The following KCTD6 variants were observed in gnomAD, a reference collection of about 807,000 sequenced individuals.
The protein encoded by KCTD6 is potassium channel tetramerization domain containing 6.
KCTD6 carries 6 observed loss-of-function variants against 18.7 expected under a neutral mutation model. That is an observed-to-expected ratio of 0.32 (90% CI 0.18 to 0.63). KCTD6 has a LOEUF of 0.63. Among genes scored for constraint, KCTD6 ranks in the 30% least tolerant of loss-of-function variants. KCTD6 has a pLI of 0.79. For synonymous variants in KCTD6, 86 were observed against 108.5 expected (o/e 0.79, Z 1.29); for missense variants, 165 against 300.2 (o/e 0.55, Z 3.33).
chr3:58,501,409 A>T lies in KCTD6; in HGVS notation c.491A>T (p.Asn164Ile), dbSNP rs775741284. 6 of 1,576,444 alleles carry T rather than the reference A, an allele frequency of 3.8e-6. No homozygotes were observed. The South Asian group carries it at 7.2e-5, about 19-fold the overall frequency. ...ATCTCAAATTATTTTACCAAGTGGA[A>T]TAAGCACATGATGGACACCAGAGAC... Reference protein sequence around the residue: ...EGISNYFTKWNKHMMDTRDCQ... With the variant: ...EGISNYFTKWIKHMMDTRDCQ... The change falls in exon 3 of 3, where the codon AAT becomes ATT. Residue 164 changes from asparagine to isoleucine, a missense_variant. Asn to Ile is a moderately radical substitution (Grantham distance 149). Coordinates refer to ENST00000404589, the MANE Select transcript of KCTD6 (RefSeq NM_001128214.2). The surrounding 1 kb of genome is among the most constrained non-coding windows in gnomAD (Gnocchi z 9.7).
intron 2 of KCTD6, among the ~76,000 whole-genome samples, chr3:58,499,714 A>AT (rs1384923995): frequency 3.3e-5 from 5 of 151,328 alleles, no homozygotes; most frequent in Non-Finnish European, 5.9e-5. Context: ...AATATTTTGT[A>AT]TTTTTTGTAG....
chr3:58,500,154 C>T (rs776448927), intron 2 of KCTD6, among the ~76,000 whole-genome samples: 18 of 150,190 alleles, frequency 1.2e-4, no homozygotes, highest in Admixed American at 9.3e-4. Flanking sequence ...CTCTCTGTGT[C>T]GCCCAGGCTG....
chr3:58,501,173 A>T lies in KCTD6; in HGVS notation c.255A>T (p.Glu85Asp). The T allele has an allele frequency of 6.2e-7, 1 of 1,614,168 alleles. No homozygotes were observed. The highest frequency in any genetic ancestry group is 8.5e-7 in the Non-Finnish European group (1 of 1,180,010). ...SELTLPLDFK[E>D]FDLLRKEADF... ...TGACCTTACCGTTGGATTTTAAGGA[A>T]TTTGATCTGCTTCGGAAAGAAGCAG... The change falls in exon 3 of 3, where the codon GAA (glutamate) becomes GAT (aspartate). Residue 85 changes from glutamate to aspartate, a missense_variant. Transcript: ENST00000404589. This position sits in a 1 kb window ranked among gnomAD's most constrained non-coding sequence, Gnocchi z 9.7.
chr3:58,501,810 C>T lies in KCTD6; in HGVS notation c.*178C>T. ...GGCAGACTCCTCCATGTTTTGTTCC[C>T]TTCCCCCTGAGTATGCATGTGCCTG... On this transcript the variant is annotated 3_prime_UTR_variant, in exon 3 of 3. Transcript: ENST00000404589. This position sits in a 1 kb window ranked among gnomAD's most constrained non-coding sequence, Gnocchi z 9.7. The T allele has an allele frequency of 4.9e-6, 2 of 408,096 alleles. No individual in the cohort carries two copies. Among genetic ancestry groups the T allele is most frequent in the East Asian group, 7.3e-5 (2 of 27,388 alleles). 25.3% of individuals were successfully genotyped at this position (408,096 alleles called of 1,614,324 possible).
At chr3:58,500,596 AGT>A in intron 2 of KCTD6, among the ~76,000 whole-genome samples, 1 of 152,310 alleles carries the variant, frequency 6.6e-6, no homozygotes, top group South Asian at 2.1e-4. Context: ...GAAAAAAATA[AGT>A]GTATTTTAGC....
Position 58,501,737 on chromosome 3 carries a change from T to C in KCTD6, c.*105T>C. 5.2e-6 allele frequency: 4 copies of C among 776,086 alleles called. No individual in the cohort carries two copies. The highest frequency in any genetic ancestry group is 7.2e-6 in the Non-Finnish European group (4 of 558,324). 48.1% of individuals were successfully genotyped at this position (776,086 alleles called of 1,614,324 possible). On this transcript the variant is annotated 3_prime_UTR_variant, in exon 3 of 3. Coordinates refer to ENST00000404589, the MANE Select transcript of KCTD6 (RefSeq NM_001128214.2). The surrounding 1 kb of genome is among the most constrained non-coding windows in gnomAD (Gnocchi z 9.7). The stretch of plus-strand genomic sequence containing the variant: ...GAGATATTTTTTTTCTTTTAAATAG[T>C]TGTATTTATTTGAAGGCAGTGAGGA...
intron 2 of KCTD6, among the ~76,000 whole-genome samples, chr3:58,499,591 A>G (rs1409179488): frequency 1.7e-5 from 2 of 119,266 alleles, no homozygotes; most frequent in Non-Finnish European, 3.3e-5. Context: ...TCTTTTCCCT[A>G]GGCTGGAGTG....
Position 58,501,297 on chromosome 3 carries a change from C to A in KCTD6, c.379C>A (p.Arg127=). The A allele has an allele frequency of 1.2e-6, 2 of 1,613,438 alleles. No homozygotes were observed. The highest frequency in any genetic ancestry group is 1.7e-6 in the Non-Finnish European group (2 of 1,179,672). ...AGAAGTTGTGGAGCTGTCTAGTACT[C>A]GGAAGCTTTCTAAGTACTCCAACCC... is the stretch of plus-strand genomic sequence containing the variant. The part of the protein sequence containing the change: ...FEEVVELSST[R]KLSKYSNPVA... Residue 127 remains arginine (R), a synonymous_variant, in exon 3 of 3, where the codon CGG becomes AGG. Transcript: ENST00000404589. This position sits in a 1 kb window ranked among gnomAD's most constrained non-coding sequence, Gnocchi z 9.7.
chr3:58,494,718 C>T (rs1350077112), intron 1 of KCTD6, among the ~76,000 whole-genome samples: 3 of 152,172 alleles, frequency 2.0e-5, no homozygotes, highest in African/African-American at 7.2e-5. Flanking sequence ...TTTAAGGGTT[C>T]TTAGGTTATT....
At position 58,498,805 on chromosome 3, in the gene KCTD6, T is replaced by G. The variant is rs1182235700; in HGVS notation, c.27+23T>G. 6.3e-7 allele frequency: 1 copy of G among 1,597,800 alleles called. No homozygotes were observed. The highest frequency in any genetic ancestry group is 1.1e-5 in the South Asian group (1 of 89,378). ...ATGGTGAGTGCTTCTTGGAGATGCA[T>G]TTTGAAGGCTGGGGAATTATTTTTG... On this transcript the variant is annotated intron_variant, in intron 2 of 2. Coordinates refer to ENST00000404589, the MANE Select transcript of KCTD6 (RefSeq NM_001128214.2). The surrounding 1 kb of genome is among the most constrained non-coding windows in gnomAD (Gnocchi z 4.6).
chr3:58,498,740 C>A lies in KCTD6; in HGVS notation c.-16C>A. The A allele has an allele frequency of 6.2e-7, 1 of 1,609,362 alleles. No homozygotes were observed. Among genetic ancestry groups the A allele is most frequent in the African/African-American group, 1.3e-5 (1 of 74,814 alleles). On this transcript the variant is annotated 5_prime_UTR_variant, in exon 2 of 3. Transcript: ENST00000404589. The surrounding 1 kb of genome is among the most constrained non-coding windows in gnomAD (Gnocchi z 4.6). ...TCCCTGAAACCTGGGCTCTTGAAGA[C>A]GCATCACTGGAGCAGATGGATAATG...
intron 2 of KCTD6, among the ~76,000 whole-genome samples, chr3:58,499,254 G>T (rs554665471): frequency 6.6e-6 from 1 of 152,146 alleles, no homozygotes. Context: ...AACTCAAAAT[G>T]GATTTTCCAA....
chr3:58,498,734 T>A lies in KCTD6; in HGVS notation c.-22T>A. 1 of 1,608,178 alleles carries A rather than the reference T, an allele frequency of 6.2e-7. No homozygotes were observed. The highest frequency in any genetic ancestry group is 8.5e-7 in the Non-Finnish European group (1 of 1,175,412). On this transcript the variant is annotated 5_prime_UTR_variant, in exon 2 of 3. Coordinates refer to ENST00000404589, the MANE Select transcript of KCTD6 (RefSeq NM_001128214.2). This position sits in a 1 kb window ranked among gnomAD's most constrained non-coding sequence, Gnocchi z 4.6. ...GAAGTTTCCCTGAAACCTGGGCTCTTGAAGACGCATCACTGGAGCAGATGG... is the reference window on the plus strand; with the variant it reads ...GAAGTTTCCCTGAAACCTGGGCTCTAGAAGACGCATCACTGGAGCAGATGG...
chr3:58,493,967 C>T lies in KCTD6; in HGVS notation c.-44+1798C>T, dbSNP rs531291519. ...TCTTTCCTTGTCCTGATGTGTTACT[C>T]TTATAGGCCAATTTTTGCCTTTGTG... On this transcript the variant is annotated intron_variant, in intron 1 of 2. Coordinates refer to ENST00000404589, the MANE Select transcript of KCTD6 (RefSeq NM_001128214.2). The surrounding 1 kb of genome is among the most constrained non-coding windows in gnomAD (Gnocchi z 4.5). 1 of 152,306 alleles carries T rather than the reference C, an allele frequency of 6.6e-6. No individual in the cohort carries two copies. The highest frequency in any genetic ancestry group is 1.5e-5 in the Non-Finnish European group (1 of 68,038). The allele number at this position is 152,306 out of a possible 1,614,324, so 9.4% of individuals were successfully genotyped here. A position where few individuals can be genotyped will look rare whatever the true frequency, so the allele number is the denominator to read the frequency against.
At chr3:58,495,509 C>CT (rs11352751) in intron 1 of KCTD6, among the ~76,000 whole-genome samples, 55 of 149,740 alleles carry the variant, frequency 3.7e-4, no homozygotes, top group African/African-American at 1.3e-3. Flanking sequence ...ATTTTTCATG[C>CT]TTTTTTTTTG....
chr3:58,501,166 T>C lies in KCTD6; in HGVS notation c.248T>C (p.Phe83Ser). The C allele has an allele frequency of 6.2e-7, 1 of 1,614,180 alleles. No homozygotes were observed. Among genetic ancestry groups the C allele is most frequent in the Non-Finnish European group, 8.5e-7 (1 of 1,180,030 alleles). Residue 83 changes from phenylalanine to serine, a missense_variant, in exon 3 of 3, where the codon TTT becomes TCT. Phe to Ser is a radical substitution (Grantham distance 155). Transcript: ENST00000404589. This position sits in a 1 kb window ranked among gnomAD's most constrained non-coding sequence, Gnocchi z 9.7. ...RTSELTLPLD[F>S]KEFDLLRKEA... The stretch of plus-strand genomic sequence containing the variant: ...TCAGAATTGACCTTACCGTTGGATT[T>C]TAAGGAATTTGATCTGCTTCGGAAA...
In KCTD6 at chr3:58,501,900, C is replaced by A; in HGVS notation, c.*268C>A. On this transcript the variant is annotated 3_prime_UTR_variant, in exon 3 of 3. Coordinates refer to ENST00000404589, the MANE Select transcript of KCTD6 (RefSeq NM_001128214.2). This position sits in a 1 kb window ranked among gnomAD's most constrained non-coding sequence, Gnocchi z 9.7. Reference sequence around the variant, plus strand: ...GAAAATCATTATGGTATATAATCTACCCTTAACAGAGCTTTTCTTATTACA... The same window carrying A: ...GAAAATCATTATGGTATATAATCTAACCTTAACAGAGCTTTTCTTATTACA... 1 of 252,780 alleles carries A rather than the reference C, an allele frequency of 4.0e-6. No homozygotes were observed. 15.7% of individuals were successfully genotyped at this position (252,780 alleles called of 1,614,324 possible). A position where few individuals can be genotyped will look rare whatever the true frequency, so the allele number is the denominator to read the frequency against.
At position 58,492,750 on chromosome 3, in the gene KCTD6, G is replaced by A. The variant is rs140402032; in HGVS notation, c.-44+581G>A. Among the ~76,000 whole-genome samples, 459 of 152,240 alleles carry A rather than the reference G, an allele frequency of 3.0e-3. 6 individuals are homozygous for A. Among genetic ancestry groups the A allele is most frequent in the African/African-American group, 0.01 (429 of 41,532 alleles). Reference sequence around the variant, plus strand: ...GTGGCGTTTTTAATGCTTGATGTCAGAGGTGATAAATGGCCATGGTAATGG... The same window carrying A: ...GTGGCGTTTTTAATGCTTGATGTCAAAGGTGATAAATGGCCATGGTAATGG... On this transcript the variant is annotated intron_variant, in intron 1 of 2. Transcript: ENST00000404589. This position sits in a 1 kb window ranked among gnomAD's most constrained non-coding sequence, Gnocchi z 6.1.
In KCTD6 at chr3:58,496,002, T is replaced by C. The variant is rs958086967; in HGVS notation, c.-43-2711T>C. Among the ~76,000 whole-genome samples, 2 of 152,176 alleles carry C rather than the reference T, an allele frequency of 1.3e-5. No individual in the cohort carries two copies. Among genetic ancestry groups the C allele is most frequent in the African/African-American group, 4.8e-5 (2 of 41,444 alleles). ...GGCTGCAACATTGATGTCTGCTTTT[T>C]TCCTTGTCTTTGATCTTCTGTTTCT... On this transcript the variant is annotated intron_variant, in intron 1 of 2. Coordinates refer to ENST00000404589, the MANE Select transcript of KCTD6 (RefSeq NM_001128214.2). The surrounding 1 kb of genome is among the most constrained non-coding windows in gnomAD (Gnocchi z 5.1).
Sources: allele counts gnomAD v4.1 joint callset (sites outside exome capture counted in the v4.1 genomes callset), GRCh38; gene constraint gnomAD v4.1.1; non-coding constraint Gnocchi (gnomAD v3.1); transcripts MANE v1.5; gene names NCBI Gene and HGNC (gene_info 2026-07-23, HGNC 2026-07-21).